Variants in SIM1 observed in about 807,000 individuals in gnomAD.
SIM1 encodes SIM bHLH transcription factor 1.
In SIM1, 18 loss-of-function variants were observed where a neutral mutation model predicts 78.2. That is an observed-to-expected ratio of 0.23 (90% CI 0.16 to 0.34). The LOEUF (loss-of-function observed/expected upper bound fraction) is 0.34, where lower values mean the gene tolerates loss of function less well. Ranked by LOEUF, SIM1 falls within the 10% of genes least tolerant of loss-of-function variation. The probability of loss-of-function intolerance (pLI) is 1.00; values close to 1 mark genes in which losing one functional copy is unlikely to be tolerated. For synonymous variants in SIM1, 417 were observed against 385.2 expected, an observed-to-expected ratio of 1.08 and a Z score of -0.97; for missense variants, 939 against 975.1, an observed-to-expected ratio of 0.96 and a Z score of 0.49.
At chr6:100,462,987 T>G in intron 2 of SIM1, 1 of 276,120 alleles carries the variant, frequency 3.6e-6, no homozygotes, top group Non-Finnish European at 6.8e-6. Context: ...CATGTTTGGA[T>G]TAGTAGTACT....
chr6:100,407,990 TC>T (rs1324210494), intron 10 of SIM1, among the ~76,000 whole-genome samples: 1 of 152,122 alleles, frequency 6.6e-6, no homozygotes, highest in African/African-American at 2.4e-5. Context: ...TTTGATGTAC[TC>T]CCACTGATTT....
intron 2 of SIM1, chr6:100,463,069 T>C (rs1240353494): frequency 6.5e-6 from 3 of 462,628 alleles, no homozygotes; most frequent in South Asian, 1.0e-4. Flanking sequence ...ACATATCTGA[T>C]GGACTGAAGA....
chr6:100,437,410 T>A (rs1007743244), intron 9 of SIM1: 3 of 152,148 alleles, frequency 2.0e-5, no homozygotes, highest in African/African-American at 7.2e-5. Flanking sequence ...TCTGCTGGTG[T>A]TTGTCATCCT....
chr6:100,401,919 C>G (rs1300362321), intron 10 of SIM1, among the ~76,000 whole-genome samples: 4 of 152,122 alleles, frequency 2.6e-5, no homozygotes, highest in Non-Finnish European at 4.4e-5. Flanking sequence ...AAGTTATCAA[C>G]TAGCAATTTC....
intron 5 of SIM1, 71 bp from the exon 6 acceptor site, chr6:100,449,519 C>A: frequency 6.3e-7 from 1 of 1,582,612 alleles, no homozygotes; most frequent in Non-Finnish European, 8.7e-7. Flanking sequence ...GCGTCTCTGC[C>A]ACGACTAATT....
intron 9 of SIM1, among the ~76,000 whole-genome samples, chr6:100,434,796 A>G (rs1772000752): frequency 6.6e-6 from 1 of 152,172 alleles, no homozygotes; most frequent in Non-Finnish European, 1.5e-5. Context: ...AGTTCAATAT[A>G]ATGAGGCTAT....
At chr6:100,428,269 A>G (rs1448793906) in intron 9 of SIM1, among the ~76,000 whole-genome samples, 1 of 152,220 alleles carries the variant, frequency 6.6e-6, no homozygotes, top group African/African-American at 2.4e-5. Flanking sequence ...TTCATCCTCA[A>G]CCATTTATTT....
At chr6:100,395,946 A>C (rs1012800753) in intron 10 of SIM1, 2 of 207,942 alleles carry the variant, frequency 9.6e-6, no homozygotes, top group Admixed American at 1.3e-4. Context: ...TTCCACCTAC[A>C]CATATGGACT....
chr6:100,420,017 C>T (rs1771526696), intron 10 of SIM1, among the ~76,000 whole-genome samples: 1 of 152,050 alleles, frequency 6.6e-6, no homozygotes, highest in Admixed American at 6.6e-5. Flanking sequence ...TGAGATGATG[C>T]TATTAAAAGA....
At chr6:100,449,496 C>T (rs1582318589) in intron 5 of SIM1, 48 bp from the exon 6 acceptor site, 1 of 1,583,614 alleles carries the variant, frequency 6.3e-7, no homozygotes, top group Non-Finnish European at 8.7e-7. Flanking sequence ...ACACCGGCGG[C>T]GTGGGACAGC....
chr6:100,445,622 T>C (rs899780908), intron 9 of SIM1, among the ~76,000 whole-genome samples: 5 of 152,274 alleles, frequency 3.3e-5, no homozygotes, highest in African/African-American at 1.2e-4. Context: ...AGTTTACCCA[T>C]TGGGAGGTCT....
intron 9 of SIM1, among the ~76,000 whole-genome samples, chr6:100,444,408 G>A (rs1056561548): frequency 3.3e-5 from 5 of 152,108 alleles, no homozygotes; most frequent in African/African-American, 1.2e-4. Flanking sequence ...AGCTAACAGG[G>A]TATGTGTGTC....
intron 10 of SIM1, among the ~76,000 whole-genome samples, chr6:100,416,933 A>G (rs1218671905): frequency 1.3e-5 from 2 of 151,856 alleles, no homozygotes; most frequent in Non-Finnish European, 2.9e-5. Flanking sequence ...CCTTGCTTCA[A>G]TCACATTAAT....
intron 9 of SIM1, among the ~76,000 whole-genome samples, chr6:100,425,302 C>T (rs960808318): frequency 4.6e-5 from 7 of 152,088 alleles, no homozygotes; most frequent in East Asian, 1.9e-4. Flanking sequence ...AGTGTGAAAA[C>T]GGACTAATAC....
At chr6:100,448,821 A>T in intron 6 of SIM1, 143 bp from the exon 7 acceptor site, 1 of 697,164 alleles carries the variant, frequency 1.4e-6, no homozygotes, top group Non-Finnish European at 2.4e-6. Context: ...ATCCAAAGTT[A>T]CTGGTGCTCT....
chr6:100,393,945 A>AAAAC, intron 10 of SIM1, 56 bp from the exon 11 acceptor site: 1 of 1,496,278 alleles, frequency 6.7e-7, no homozygotes, highest in Admixed American at 2.3e-5. Context: ...TCAGTAAGAG[A>AAAAC]AAACAAACAA....
chr6:100,412,608 A>G lies in SIM1; in HGVS notation c.1167+8182T>C, dbSNP rs375161566. Among the ~76,000 whole-genome samples, 229 of 104,616 alleles carry G rather than the reference A, an allele frequency of 2.2e-3. 12 individuals are homozygous for G. The highest frequency in any genetic ancestry group is 6.0e-3 in the African/African-American group (166 of 27,830). The allele number at this position is 104,616 out of a possible 152,430, so 68.6% of individuals were successfully genotyped here. A position where few individuals can be genotyped will look rare whatever the true frequency, so the allele number is the denominator to read the frequency against. On this transcript the variant is annotated intron_variant, in intron 10 of 11. Coordinates refer to ENST00000369208, the MANE Select transcript of SIM1 (RefSeq NM_005068.3). ...GAAAGAAAGAAAGAAAGAAAGAAAG[A>G]AAGGAAAGAAAGAAGGAAAGAAAGA...
chr6:100,449,421 A>T lies in SIM1; in HGVS notation c.485T>A (p.Leu162Gln). 6.2e-7 allele frequency: 1 copy of T among 1,614,092 alleles called. No individual in the cohort carries two copies. Among genetic ancestry groups the T allele is most frequent in the Non-Finnish European group, 8.5e-7 (1 of 1,179,972 alleles). Residue 162 changes from leucine to glutamine, a missense_variant, in exon 6 of 12, where the codon CTG becomes CAG. This residue lies in a region of SIM1 where 187 missense variants were observed against 191.6 expected (regional missense o/e 0.98). Transcript: ENST00000369208. ...CTTGGCCAAGACGCACTTCATCCTC[A>T]GGAAGAAGGAGCGCTCGATCTCATA... ...QEYEIERSFF[L>Q]RMKCVLAKRN... is the part of the protein sequence containing the mutation.
At chr6:100,440,731 T>A (rs1772191016) in intron 9 of SIM1, among the ~76,000 whole-genome samples, 1 of 152,190 alleles carries the variant, frequency 6.6e-6, no homozygotes, top group African/African-American at 2.4e-5. Flanking sequence ...TCCAGTGAAT[T>A]TTCTATGATC....
Sources: gnomAD v4.1 joint callset for allele counts (sites outside exome capture counted in the v4.1 genomes callset) on GRCh38, gnomAD v4.1.1 for gene constraint, gnomAD v4.1.1 regional missense constraint, MANE v1.5 for transcripts, NCBI Gene and HGNC (gene_info 2026-07-23, HGNC 2026-07-21) for gene names.